LNPK: variants seen among roughly 807,000 people sequenced by gnomAD.
LNPK encodes the protein lunapark, ER junction formation factor.
LNPK carries 29 observed loss-of-function variants against 55.2 expected under a neutral mutation model. The ratio of observed to expected loss-of-function variants is 0.53; its 90% confidence interval spans 0.39 to 0.72. The LOEUF (loss-of-function observed/expected upper bound fraction) is 0.72. LNPK is among the 30% of genes least tolerant of loss of function. LNPK has a pLI of 0.00. For missense variants in LNPK, 467 were observed against 494.8 expected (o/e 0.94, Z 0.53); for synonymous variants, 162 against 168.2 (o/e 0.96, Z 0.29).
At chr2:175,954,420 A>C (rs1347322730) in intron 8 of LNPK, among the ~76,000 whole-genome samples, 1 of 152,224 alleles carries the variant, frequency 6.6e-6, no homozygotes, top group Non-Finnish European at 1.5e-5. Flanking sequence ...AAGATTGCAG[A>C]TAGAATTAAG....
In LNPK at chr2:175,992,292, G is replaced by A. The variant is rs1159524733; in HGVS notation, c.196C>T (p.Leu66Phe). Residue 66 changes from leucine (L) to phenylalanine (F), a missense_variant, in exon 4 of 13, where the codon CTT becomes TTT. Leu to Phe is a conservative substitution (Grantham distance 22). Transcript: ENST00000272748. ...AGTCTTGCTGTAAATTCATCAGGAA[G>A]ATACCACAAATATACAATTAAGCAT... Reference protein sequence around the residue: ...FTCLIVYLWYLPDEFTARLAM... With the variant: ...FTCLIVYLWYFPDEFTARLAM... The A allele has an allele frequency of 6.4e-7, 1 of 1,573,840 alleles. No homozygotes were observed. Among genetic ancestry groups the A allele is most frequent in the Non-Finnish European group, 8.6e-7 (1 of 1,166,622 alleles).
chr2:175,948,760 C>A (rs1685266220), intron 8 of LNPK, among the ~76,000 whole-genome samples: 1 of 152,040 alleles, frequency 6.6e-6, no homozygotes, highest in Non-Finnish European at 1.5e-5. Flanking sequence ...CTTTATTTGA[C>A]AGTTAAAGAA....
At chr2:175,948,650 A>G (rs1042059049) in intron 8 of LNPK, among the ~76,000 whole-genome samples, 1 of 152,244 alleles carries the variant, frequency 6.6e-6, no homozygotes, top group Non-Finnish European at 1.5e-5. Flanking sequence ...TATCACATTA[A>G]ATTATCACAA....
intron 9 of LNPK, 41 bp from the exon 10 acceptor site, chr2:175,939,698 A>C (rs1684724362): frequency 1.0e-6 from 1 of 978,908 alleles, no homozygotes; most frequent in Admixed American, 2.3e-5. Context: ...ATATACATGA[A>C]ATACACATAA....
chr2:175,995,804 CTTTT>C (rs10674444), intron 1 of LNPK, among the ~76,000 whole-genome samples, 158 bp from the exon 2 acceptor site: 67 of 66,400 alleles, frequency 1.0e-3, no homozygotes, highest in African/African-American at 3.7e-3. Context: ...TAGAGTCTAC[CTTTT>C]TTTTTTTTTT....
chr2:175,983,503 A>G (rs1403709750), intron 4 of LNPK, among the ~76,000 whole-genome samples: 1 of 151,992 alleles, frequency 6.6e-6, no homozygotes, highest in East Asian at 1.9e-4. Context: ...AATTATAAAA[A>G]CCAAAAGCAA....
chr2:175,930,338 T>G, intron 12 of LNPK, 139 bp from the exon 13 acceptor site: 1 of 658,294 alleles, frequency 1.5e-6, no homozygotes, highest in Non-Finnish European at 2.6e-6. Context: ...TACAATTGTC[T>G]AACATTATCC....
At chr2:175,948,248 C>G (rs999892453) in intron 8 of LNPK, among the ~76,000 whole-genome samples, 10 of 152,046 alleles carry the variant, frequency 6.6e-5, no homozygotes, top group Admixed American at 4.6e-4. Context: ...AAACATTCAA[C>G]AGATCTACTC....
rs114990169 is a variant in LNPK at position 175,950,106 on chromosome 2, T to C, written c.494-2414A>G. Reference sequence around the variant, plus strand: ...GCAAAAAATCATAAGGAGCATGCCATAAGGTTAATTCTCAACCGTAGTATG... The same window carrying C: ...GCAAAAAATCATAAGGAGCATGCCACAAGGTTAATTCTCAACCGTAGTATG... On this transcript the variant is annotated intron_variant, in intron 8 of 12. Coordinates refer to ENST00000272748, the MANE Select transcript of LNPK (RefSeq NM_030650.3). Among the ~76,000 whole-genome samples, 784 of 152,118 alleles carry C rather than the reference T, an allele frequency of 5.2e-3. 8 individuals carry two copies. Among genetic ancestry groups the C allele is most frequent in the African/African-American group, 0.018 (736 of 41,508 alleles).
At chr2:175,982,361 T>C (rs1343797072) in intron 4 of LNPK, among the ~76,000 whole-genome samples, 2 of 152,162 alleles carry the variant, frequency 1.3e-5, no homozygotes, top group African/African-American at 4.8e-5. Flanking sequence ...ACTACAAAAA[T>C]TGAAATATAC....
At chr2:175,976,012 CAAAA>C (rs981585123) in intron 5 of LNPK, among the ~76,000 whole-genome samples, 1 of 149,148 alleles carries the variant, frequency 6.7e-6, no homozygotes, top group East Asian at 2.0e-4. Flanking sequence ...GACTCCATCT[CAAAA>C]AAAAAGAAAG....
intron 12 of LNPK, among the ~76,000 whole-genome samples, chr2:175,932,713 T>C (rs1277755697): frequency 1.3e-5 from 2 of 152,172 alleles, no homozygotes; most frequent in African/African-American, 2.4e-5. Context: ...TACATATAAA[T>C]TTAATAATCA....
intron 12 of LNPK, among the ~76,000 whole-genome samples, chr2:175,933,383 T>A (rs1251822910): frequency 6.6e-6 from 1 of 152,160 alleles, no homozygotes; most frequent in Non-Finnish European, 1.5e-5. Flanking sequence ...TAAATAATAG[T>A]CTAGCAAAAC....
intron 1 of LNPK, among the ~76,000 whole-genome samples, chr2:175,996,505 CTTAA>C (rs1425455825): frequency 1.3e-5 from 2 of 152,136 alleles, no homozygotes; most frequent in Non-Finnish European, 2.9e-5. Context: ...TTTCTTTTCT[CTTAA>C]TTAGTTAATA....
chr2:175,947,739 T>C, intron 8 of LNPK, 47 bp from the exon 9 acceptor site: 1 of 1,302,236 alleles, frequency 7.7e-7, no homozygotes, highest in Admixed American at 2.2e-5. Context: ...ATATACCATA[T>C]TAGCCAGTAT....
intron 8 of LNPK, among the ~76,000 whole-genome samples, chr2:175,962,456 AG>A (rs1384882296): frequency 6.6e-6 from 1 of 152,128 alleles, no homozygotes; most frequent in African/African-American, 2.4e-5. Flanking sequence ...AATGGGGAAA[AG>A]ATTCCCTGTT....
At chr2:175,969,627 A>G (rs958150175) in intron 6 of LNPK, among the ~76,000 whole-genome samples, 1 of 152,158 alleles carries the variant, frequency 6.6e-6, no homozygotes, top group Admixed American at 6.5e-5. Flanking sequence ...TCTTCTTTTT[A>G]TCTCATCAGC....
At chr2:175,997,740 A>AGTGTGTGTGT (rs1559079701) in intron 1 of LNPK, among the ~76,000 whole-genome samples, 15 of 52,910 alleles carry the variant, frequency 2.8e-4, no homozygotes, top group African/African-American at 9.1e-4. Flanking sequence ...TGTGTGTATA[A>AGTGTGTGTGT]ATATAATTTT....
Position 175,995,590 on chromosome 2 carries a change from AT to A in LNPK, c.-7del. 1.2e-6 allele frequency: 2 copies of A among 1,608,956 alleles called. No individual in the cohort carries two copies. The highest frequency in any genetic ancestry group is 1.7e-6 in the Non-Finnish European group (2 of 1,175,822). On this transcript the variant is annotated 5_prime_UTR_variant, in exon 2 of 13. An upstream open reading frame in the 5' UTR loses its in-frame stop. Coordinates refer to ENST00000272748, the MANE Select transcript of LNPK (RefSeq NM_030650.3). The stretch of plus-strand genomic sequence containing the variant: ...CGAGAAAATAATCCACCCATCTTTT[AT>A]TTGTAGAAACTGGGCACAATGATAA...
Sources: allele counts gnomAD v4.1 joint callset (sites outside exome capture counted in the v4.1 genomes callset), GRCh38; gene constraint gnomAD v4.1.1; transcripts MANE v1.5; gene names NCBI Gene and HGNC (gene_info 2026-07-23, HGNC 2026-07-21).